TRUB2: variants seen among roughly 807,000 people sequenced by gnomAD.
The protein encoded by TRUB2 is TruB pseudouridine synthase family member 2.
Under a neutral mutation model 31.9 loss-of-function variants are expected in TRUB2, and 31 were observed. That is an observed-to-expected ratio of 0.97 (90% CI 0.73 to 1.31). The LOEUF (loss-of-function observed/expected upper bound fraction) is 1.31, where lower values mean the gene tolerates loss of function less well. Among genes scored for constraint, TRUB2 ranks in the 50% most tolerant of loss-of-function variants. The probability of loss-of-function intolerance (pLI) is 0.00; values close to 1 mark genes in which losing one functional copy is unlikely to be tolerated. For missense variants in TRUB2, 451 were observed against 439.6 expected, an observed-to-expected ratio of 1.03 and a Z score of -0.23; for synonymous variants, 201 against 182.6, an observed-to-expected ratio of 1.10 and a Z score of -0.81.
intron 5 of TRUB2, among the ~76,000 whole-genome samples, chr9:128,311,967 C>G (rs1204489498): frequency 6.6e-6 from 1 of 150,766 alleles, no homozygotes; most frequent in Non-Finnish European, 1.5e-5. Flanking sequence ...TCTCGAGTAG[C>G]TGGGACTACA....
At chr9:128,314,001 G>A in intron 4 of TRUB2, 112 bp from the exon 5 acceptor site, 1 of 901,158 alleles carries the variant, frequency 1.1e-6, no homozygotes, top group Non-Finnish European at 1.8e-6. Context: ...GGAAGCTCAT[G>A]TGCCCAGCCC....
At chr9:128,310,189 G>A (rs1831944051) in intron 7 of TRUB2, among the ~76,000 whole-genome samples, 2 of 151,980 alleles carry the variant, frequency 1.3e-5, no homozygotes, top group South Asian at 4.2e-4. Flanking sequence ...GACCTCCTAG[G>A]CTCACATGAT....
chr9:128,310,777 G>T, intron 7 of TRUB2, 110 bp downstream of exon 7: 2 of 1,463,754 alleles, frequency 1.4e-6, no homozygotes, highest in Non-Finnish European at 9.4e-7. Flanking sequence ...GGGCCGGCGT[G>T]TGCTGGCCTC....
chr9:128,306,793 G>C lies in TRUB2; in HGVS notation c.*2757C>G, dbSNP rs1200782342. ...CTCTCTCGTCCAGACTGGAGTGCAG[G>C]GGCACAATCTCAGCTAATGGCAATC... On this transcript the variant is annotated 3_prime_UTR_variant, in exon 8 of 8. Coordinates refer to ENST00000372890, the MANE Select transcript of TRUB2 (RefSeq NM_015679.3). The C allele has an allele frequency of 6.6e-6, 1 of 151,454 alleles. No homozygotes were observed. The highest frequency in any genetic ancestry group is 1.5e-5 in the Non-Finnish European group (1 of 67,944). 9.4% of individuals were successfully genotyped at this position (151,454 alleles called of 1,614,324 possible).
rs1395696077 is a variant in TRUB2 at position 128,316,896 on chromosome 9, TA to T, written c.316+255del. On this transcript the variant is annotated intron_variant, in intron 3 of 7. Coordinates refer to ENST00000372890, the MANE Select transcript of TRUB2 (RefSeq NM_015679.3). ...TACCTAATAAAGTTGTTGTGGTAAA[TA>T]AATGTGCATAAAGGGCCTCGAACTA... 2.1e-4 allele frequency: 94 copies of T among 457,856 alleles called. No homozygotes were observed. The East Asian group carries it at 3.4e-3, about 17-fold the overall frequency. The allele number at this position is 457,856 out of a possible 1,614,324, so 28.4% of individuals were successfully genotyped here. A position where few individuals can be genotyped will look rare whatever the true frequency, so the allele number is the denominator to read the frequency against.
chr9:128,313,774 G>A (rs759336636), intron 5 of TRUB2, 34 bp downstream of exon 5: 1 of 1,602,378 alleles, frequency 6.2e-7, no homozygotes, highest in South Asian at 1.1e-5. Context: ...AGCAAATGCG[G>A]AGGGAGGCAG....
chr9:128,322,429 G>A lies in TRUB2; in HGVS notation c.-21C>T, dbSNP rs776585923. On this transcript the variant is annotated 5_prime_UTR_variant, in exon 1 of 8. Transcript: ENST00000372890. ...CCCATACTTGAAGATCACAGCACCC[G>A]CTGGACCTGGACGGAAGTACCGCCA... The A allele has an allele frequency of 1.9e-6, 3 of 1,612,422 alleles. No homozygotes were observed. Among genetic ancestry groups the A allele is most frequent in the Admixed American group, 3.3e-5 (2 of 59,954 alleles).
intron 5 of TRUB2, among the ~76,000 whole-genome samples, chr9:128,313,334 G>T (rs1414704685): frequency 6.6e-6 from 1 of 151,464 alleles, no homozygotes; most frequent in Non-Finnish European, 1.5e-5. Flanking sequence ...AGACCATCTT[G>T]GCTAACATGG....
intron 2 of TRUB2, among the ~76,000 whole-genome samples, chr9:128,318,528 CTTGTTTTGTT>C (rs1042146545): frequency 6.6e-6 from 1 of 151,052 alleles, no homozygotes; most frequent in Non-Finnish European, 1.5e-5. Context: ...TGTGTGTTTG[CTTGTTTTGTT>C]TTGTTTTGTT....
At position 128,313,835 on chromosome 9, in the gene TRUB2, C is replaced by T. The variant is rs1232514345; in HGVS notation, c.433G>A (p.Gly145Arg). Residue 145 changes from glycine to arginine, a missense_variant, in exon 5 of 8, where the codon GGG becomes AGG. Coordinates refer to ENST00000372890, the MANE Select transcript of TRUB2 (RefSeq NM_015679.3). ...GKATDDFRED[G>R]RLVEKTTYDH... ...TAGGTTGTCTTCTCTACCAGCCTCC[C>T]GTCCTCACGGAAGTCATCTGTAGCT... The T allele has an allele frequency of 3.1e-6, 5 of 1,614,116 alleles. No individual in the cohort carries two copies. The highest frequency in any genetic ancestry group is 2.2e-5 in the East Asian group (1 of 44,886).
At chr9:128,315,508 T>C (rs1564384470) in intron 4 of TRUB2, 59 bp downstream of exon 4, 4 of 1,565,510 alleles carry the variant, frequency 2.6e-6, no homozygotes, top group Non-Finnish European at 3.5e-6. Flanking sequence ...TTCAGAATCC[T>C]GCTGGTGACC....
intron 7 of TRUB2, 124 bp downstream of exon 7, chr9:128,310,763 A>T (rs1831953259): frequency 7.3e-7 from 1 of 1,369,480 alleles, no homozygotes; most frequent in African/African-American, 1.4e-5. Flanking sequence ...GCCCGCAGAG[A>T]TCAGGGCCGG....
intron 3 of TRUB2, 102 bp from the exon 4 acceptor site, chr9:128,315,730 C>T: frequency 7.4e-7 from 1 of 1,355,900 alleles, no homozygotes; most frequent in South Asian, 1.2e-5. Context: ...TTTTCTGATG[C>T]TGCCAAAGGC....
chr9:128,305,482 T>A lies in TRUB2; in HGVS notation c.*4068A>T, dbSNP rs1410120663. 6.6e-6 allele frequency: 1 copy of A among 152,300 alleles called. No individual in the cohort carries two copies. 9.4% of individuals were successfully genotyped at this position (152,300 alleles called of 1,614,324 possible). ...GCAACCTCCACCTCCTGGGTTCAAA[T>A]GATTCTCCCACCTCAGCCCAGATCT... On this transcript the variant is annotated 3_prime_UTR_variant, in exon 8 of 8. Transcript: ENST00000372890.
In TRUB2 at chr9:128,309,494, A is replaced by G; in HGVS notation, c.*56T>C. On this transcript the variant is annotated 3_prime_UTR_variant, in exon 8 of 8. Transcript: ENST00000372890. ...CACTTTCTGCACAGCTATCAGGTCC[A>G]GCTCATAGCAGTTCTTCTATTTATC... The G allele has an allele frequency of 6.5e-7, 1 of 1,540,824 alleles. No individual in the cohort carries two copies.
intron 2 of TRUB2, among the ~76,000 whole-genome samples, chr9:128,317,441 G>C (rs1832089088): frequency 6.6e-6 from 1 of 152,118 alleles, no homozygotes; most frequent in African/African-American, 2.4e-5. Context: ...CTCTTACTCT[G>C]CCTATCATCA....
In TRUB2 at chr9:128,322,264, G is replaced by A. The variant is rs896661866; in HGVS notation, c.109+36C>T. 4 of 1,562,446 alleles carry A rather than the reference G, an allele frequency of 2.6e-6. No homozygotes were observed. In the Admixed American group the frequency reaches 5.0e-5, roughly 20 times the overall value. ...AGCGGAGATGGACTTCCAAGAGAAC[G>A]AGAGCGGGAACGTGGGTCTGGTTCG... On this transcript the variant is annotated intron_variant, in intron 1 of 7. Transcript: ENST00000372890.
rs150975370 is a variant in TRUB2, at chr9:128,315,597, G to A, written c.348C>T (p.Leu116=). 1.5e-3 allele frequency: 2,366 copies of A among 1,613,758 alleles called. 2 individuals carry two copies. The highest frequency in any genetic ancestry group is 1.9e-3 in the Non-Finnish European group (2,224 of 1,179,890). The part of the protein sequence containing the change: ...VLGVGHGCRL[L]TDMYNAHLTK... ...TAAGATGAGCATTGTACATATCGGT[G>A]AGGAGCCTGCATCCATGTCCCACGC... is the stretch of plus-strand genomic sequence containing the variant. The change falls in exon 4 of 8, where the codon CTC becomes CTT. Residue 116 remains leucine (L), a synonymous_variant. Coordinates refer to ENST00000372890, the MANE Select transcript of TRUB2 (RefSeq NM_015679.3).
rs1831957829 is a variant in TRUB2, at chr9:128,310,950, T to C, written c.607A>G (p.Lys203Glu). ...ATGCCAGTTATCAGCATCGGGGACT[T>C]GTTCATGGGCCGGATCAGGCCTCTC... ...AVRGLIRPMN[K>E]SPMLITGIRC... The change falls in exon 7 of 8, where the codon AAG becomes GAG. Residue 203 changes from lysine (K) to glutamate (E), a missense_variant. Lys to Glu is a moderately conservative substitution (Grantham distance 56, BLOSUM62 1). Transcript: ENST00000372890. The C allele has an allele frequency of 6.2e-7, 1 of 1,614,222 alleles. No homozygotes were observed. Among genetic ancestry groups the C allele is most frequent in the Non-Finnish European group, 8.5e-7 (1 of 1,180,022 alleles).
Sources: allele counts gnomAD v4.1 joint callset (sites outside exome capture counted in the v4.1 genomes callset), GRCh38; gene constraint gnomAD v4.1.1; transcripts MANE v1.5; gene names NCBI Gene and HGNC (gene_info 2026-07-23, HGNC 2026-07-21).